PDIA6: variants seen among roughly 807,000 people sequenced by gnomAD.
The protein encoded by PDIA6 is protein disulfide isomerase family A member 6.
Under a neutral mutation model 58.4 loss-of-function variants are expected in PDIA6, and 29 were observed. That is an observed-to-expected ratio of 0.50 (90% confidence interval 0.37 to 0.68). PDIA6 has a LOEUF of 0.68. Ranked by LOEUF, PDIA6 falls within the 30% of genes least tolerant of loss-of-function variation. The probability of loss-of-function intolerance (pLI) is 0.00; values close to 1 mark genes in which losing one functional copy is unlikely to be tolerated. For synonymous variants in PDIA6, 192 were observed against 202.6 expected (o/e 0.95, Z 0.44); for missense variants, 480 against 551.0 (o/e 0.87, Z 1.29).
upstream of PDIA6, among the ~76,000 whole-genome samples, chr2:10,836,738 A>T (rs1667839925): frequency 6.6e-6 from 1 of 151,930 alleles, no homozygotes; most frequent in Non-Finnish European, 1.5e-5. Flanking sequence ...CCACTGATCT[A>T]CTTAACCTTT....
intron 1 of PDIA6, among the ~76,000 whole-genome samples, chr2:10,824,534 G>A (rs1029514883): frequency 6.6e-6 from 1 of 152,252 alleles, no homozygotes; most frequent in African/African-American, 2.4e-5. Flanking sequence ...TTGTTCCAGG[G>A]TGAGCATGTG....
upstream of PDIA6, among the ~76,000 whole-genome samples, chr2:10,833,289 G>A (rs1426645948): frequency 2.0e-5 from 3 of 152,118 alleles, no homozygotes; most frequent in Non-Finnish European, 4.4e-5. Context: ...TCCCTGTCCG[G>A]TCCCTCTCCT....
chr2:10,786,716 T>G (rs944699408), intron 11 of PDIA6, among the ~76,000 whole-genome samples: 1 of 152,176 alleles, frequency 6.6e-6, no homozygotes, highest in Non-Finnish European at 1.5e-5. Context: ...GAATGGGAAA[T>G]AAAACCTCTT....
At chr2:10,813,020 A>G (rs1667077249), upstream of PDIA6, among the ~76,000 whole-genome samples, 1 of 151,802 alleles carries the variant, frequency 6.6e-6, no homozygotes, top group Non-Finnish European at 1.5e-5. Context: ...GCACCGCCTC[A>G]GCTCCTCCGG....
exon 1 of PDIA6, chr2:10,832,291 T>G: frequency 4.1e-6 from 2 of 483,550 alleles, no homozygotes; most frequent in Non-Finnish European, 5.4e-6. Context: ...ACCGCCCAAA[T>G]GCCCATCAGC....
chr2:10,817,358 T>C (rs1048808098), upstream of PDIA6, among the ~76,000 whole-genome samples: 7 of 152,206 alleles, frequency 4.6e-5, no homozygotes, highest in Non-Finnish European at 1.0e-4. Context: ...ATTAAGGGAC[T>C]CCCAGGTGCC....
At chr2:10,825,420 G>T (rs1667526905) in intron 1 of PDIA6, among the ~76,000 whole-genome samples, 1 of 152,012 alleles carries the variant, frequency 6.6e-6, no homozygotes, top group South Asian at 2.1e-4. Flanking sequence ...GTTTAAATTA[G>T]TTCACACTCC....
intron 1 of PDIA6, among the ~76,000 whole-genome samples, chr2:10,824,955 T>C (rs1448736647): frequency 2.0e-5 from 3 of 152,104 alleles, no homozygotes; most frequent in Admixed American, 6.5e-5. Context: ...AGATTAACAT[T>C]TGAGTCAGTG....
intron 1 of PDIA6, among the ~76,000 whole-genome samples, chr2:10,827,997 T>A (rs1022591933): frequency 3.3e-5 from 5 of 150,768 alleles, no homozygotes; most frequent in African/African-American, 1.2e-4. Flanking sequence ...AGGGGGACAG[T>A]GAATTCCCCA....
chr2:10,788,844 C>T lies in PDIA6; in HGVS notation c.925+53G>A, dbSNP rs915747987. ...AAAATTAATCCATTTAGAAAGTATT[C>T]TCAGAGCATCTAGCATAGAACAGCT... is the stretch of plus-strand genomic sequence containing the variant. On this transcript the variant is annotated intron_variant, in intron 9 of 12. Transcript: ENST00000272227. 7.7e-6 allele frequency: 12 copies of T among 1,556,302 alleles called. No individual in the cohort carries two copies. The African/African-American group carries it at 1.6e-4, about 21-fold the overall frequency.
intron 5 of PDIA6, among the ~76,000 whole-genome samples, chr2:10,792,326 C>G (rs1383469199): frequency 6.6e-6 from 1 of 152,198 alleles, no homozygotes; most frequent in African/African-American, 2.4e-5. Flanking sequence ...GTCAACAGAG[C>G]TAAAAATAAC....
At chr2:10,785,731 CTTCTTT>C (rs1665697382) in intron 11 of PDIA6, among the ~76,000 whole-genome samples, 1 of 152,152 alleles carries the variant, frequency 6.6e-6, no homozygotes, top group Admixed American at 6.5e-5. Flanking sequence ...AGTCCACAAA[CTTCTTT>C]TTCTTTGAGA....
intron 7 of PDIA6, 117 bp downstream of exon 7, chr2:10,790,602 A>T (rs999415107): frequency 1.4e-6 from 1 of 696,872 alleles, no homozygotes; most frequent in African/African-American, 1.8e-5. Context: ...TTATCTCTTC[A>T]CTTACAAAAT....
At chr2:10,796,948 C>T in intron 4 of PDIA6, 133 bp downstream of exon 4, 1 of 754,024 alleles carries the variant, frequency 1.3e-6, no homozygotes, top group Non-Finnish European at 2.3e-6. Context: ...ATAGGAATCA[C>T]TGTGTACCAT....
At chr2:10,791,523 T>G (rs995006347) in intron 6 of PDIA6, among the ~76,000 whole-genome samples, 1 of 152,236 alleles carries the variant, frequency 6.6e-6, no homozygotes, top group African/African-American at 2.4e-5. Context: ...GTGTGTGGCT[T>G]TACTAAAGAT....
intron 3 of PDIA6, 61 bp from the exon 4 acceptor site, chr2:10,797,268 T>G: frequency 6.5e-7 from 1 of 1,536,172 alleles, no homozygotes; most frequent in Non-Finnish European, 8.8e-7. Flanking sequence ...CCACAAGAAC[T>G]CATTATCTGC....
At chr2:10,829,563 A>G (rs964159965) in intron 1 of PDIA6, among the ~76,000 whole-genome samples, 1 of 152,156 alleles carries the variant, frequency 6.6e-6, no homozygotes, top group Admixed American at 6.5e-5. Flanking sequence ...GATTAGAAAC[A>G]ATTTTTCTGC....
chr2:10,832,451 C>T (rs981344381), exon 1 of PDIA6: 2 of 985,434 alleles, frequency 2.0e-6, no homozygotes, highest in East Asian at 2.3e-4. Context: ...AGCACGAGGC[C>T]AGGAGACCTA....
intron 1 of PDIA6, chr2:10,810,125 C>A: frequency 1.5e-6 from 1 of 658,294 alleles, no homozygotes; most frequent in Non-Finnish European, 2.7e-6. Flanking sequence ...GACTCTGTAT[C>A]AGGCATTTTT....
Sources: gnomAD v4.1 joint callset for allele counts (sites outside exome capture counted in the v4.1 genomes callset) on GRCh38, gnomAD v4.1.1 for gene constraint, MANE v1.5 for transcripts, NCBI Gene and HGNC (gene_info 2026-07-23, HGNC 2026-07-21) for gene names.